The following CDH18 variants were observed in gnomAD, a reference collection of about 807,000 sequenced individuals.
CDH18 encodes the protein cadherin-18.
A neutral mutation model predicts 67.9 loss-of-function variants in CDH18; 31 were observed. The observed-to-expected ratio is 0.46, with a 90% CI of 0.34 to 0.62. CDH18 has a LOEUF of 0.62. Ranked by LOEUF, CDH18 falls within the 20% of genes least tolerant of loss-of-function variation. CDH18 has a pLI of 0.01. For synonymous variants in CDH18, 362 were observed against 347.2 expected (o/e 1.04, Z -0.48); for missense variants, 890 against 975.5 (o/e 0.91, Z 1.17).
At chr5:19,478,782 G>C (rs1561148128) in intron 12 of CDH18, 1 of 152,096 alleles carries the variant, frequency 6.6e-6, no homozygotes, top group African/African-American at 2.4e-5. Flanking sequence ...CAAGAGATGG[G>C]GTAAAGTTGG....
chr5:19,877,193 T>G (rs568837826), intron 2 of CDH18, among the ~76,000 whole-genome samples: 128 of 152,212 alleles, frequency 8.4e-4, no homozygotes, highest in African/African-American at 3.0e-3. Flanking sequence ...TAAGATTTCA[T>G]TTTGGCTAAA....
intron 6 of CDH18, among the ~76,000 whole-genome samples, chr5:19,611,098 T>C (rs1255423750): frequency 6.6e-6 from 1 of 152,180 alleles, no homozygotes; most frequent in East Asian, 1.9e-4. Context: ...GGGCCCTCAC[T>C]GGGCTGAACA....
At chr5:20,473,210 A>G (rs2150243042) in intron 1 of CDH18, among the ~76,000 whole-genome samples, 1 of 152,298 alleles carries the variant, frequency 6.6e-6, no homozygotes, top group East Asian at 1.9e-4. Context: ...CTTAATGAAG[A>G]TATTTGTTAA....
chr5:19,481,079 A>T (rs745777543), intron 12 of CDH18, among the ~76,000 whole-genome samples: 2 of 152,104 alleles, frequency 1.3e-5, no homozygotes, highest in Admixed American at 6.5e-5. Flanking sequence ...ATGCTCCTTG[A>T]TACCCTCTTT....
intron 2 of CDH18, among the ~76,000 whole-genome samples, chr5:19,908,845 T>C (rs563867735): frequency 3.3e-5 from 5 of 152,226 alleles, no homozygotes. Context: ...AAACTGCAGG[T>C]TTCCCTAAAT....
At chr5:20,187,818 A>T (rs921894851) in intron 2 of CDH18, among the ~76,000 whole-genome samples, 8 of 151,838 alleles carry the variant, frequency 5.3e-5, no homozygotes, top group Non-Finnish European at 7.4e-5. Context: ...GTATCTGCAC[A>T]TATTAGGGTA....
chr5:19,660,162 A>G (rs1312179053), intron 5 of CDH18, among the ~76,000 whole-genome samples: 2 of 152,128 alleles, frequency 1.3e-5, no homozygotes, highest in Non-Finnish European at 2.9e-5. Context: ...AATGCAACTA[A>G]AATAATTTTT....
intron 2 of CDH18, among the ~76,000 whole-genome samples, chr5:19,945,738 T>C (rs1241253440): frequency 6.6e-6 from 1 of 152,130 alleles, no homozygotes; most frequent in East Asian, 1.9e-4. Flanking sequence ...CAAACCATGC[T>C]GGATGTCCTT....
At chr5:19,703,515 C>T (rs575687650) in intron 5 of CDH18, among the ~76,000 whole-genome samples, 1 of 152,110 alleles carries the variant, frequency 6.6e-6, no homozygotes, top group African/African-American at 2.4e-5. Flanking sequence ...TCTGCACCCC[C>T]TCATTATTTT....
At chr5:20,274,470 G>C (rs1745659047) in intron 1 of CDH18, among the ~76,000 whole-genome samples, 1 of 152,006 alleles carries the variant, frequency 6.6e-6, no homozygotes, top group Non-Finnish European at 1.5e-5. Flanking sequence ...TGTTTTCCTG[G>C]ATCAGAAAGA....
intron 2 of CDH18, among the ~76,000 whole-genome samples, chr5:20,092,484 T>C (rs1298429279): frequency 6.6e-6 from 1 of 152,180 alleles, no homozygotes; most frequent in East Asian, 1.9e-4. Flanking sequence ...TAGTCTACTA[T>C]TAAAAAAATT....
chr5:19,619,389 A>G (rs1265629297), intron 5 of CDH18, among the ~76,000 whole-genome samples: 2 of 152,206 alleles, frequency 1.3e-5, no homozygotes, highest in East Asian at 1.9e-4. Flanking sequence ...TTCAGAGACC[A>G]TAGTGATCAC....
chr5:19,964,610 T>G (rs7701132), intron 2 of CDH18, among the ~76,000 whole-genome samples: 17,851 of 142,828 alleles, frequency 0.12, 3,174 homozygotes, highest in African/African-American at 0.4. Context: ...ATTGTGCCAC[T>G]GCACTCCAGC....
intron 3 of CDH18, among the ~76,000 whole-genome samples, chr5:19,831,942 T>C (rs1781081264): frequency 6.6e-6 from 1 of 152,008 alleles, no homozygotes; most frequent in South Asian, 2.1e-4. Flanking sequence ...AAGAACAAAA[T>C]CATGTCCTTT....
At chr5:20,353,385 G>A (rs1741363176) in intron 1 of CDH18, among the ~76,000 whole-genome samples, 1 of 152,116 alleles carries the variant, frequency 6.6e-6, no homozygotes, top group South Asian at 2.1e-4. Context: ...AAGATGTTAT[G>A]CACCACTTCC....
At chr5:20,145,829 G>A (rs1750600848) in intron 2 of CDH18, among the ~76,000 whole-genome samples, 1 of 152,092 alleles carries the variant, frequency 6.6e-6, no homozygotes. Context: ...ACCATCTGGA[G>A]TGAACTTTTA....
chr5:19,909,188 T>A (rs928542006), intron 2 of CDH18, among the ~76,000 whole-genome samples: 1 of 152,074 alleles, frequency 6.6e-6, no homozygotes, highest in African/African-American at 2.4e-5. Flanking sequence ...TCCCAATTAG[T>A]CAGCAACTCC....
At chr5:19,493,831 G>A (rs1352358067) in intron 11 of CDH18, among the ~76,000 whole-genome samples, 1 of 152,022 alleles carries the variant, frequency 6.6e-6, no homozygotes, top group Non-Finnish European at 1.5e-5. Flanking sequence ...GGCAATAATA[G>A]CTCCAACAGT....
intron 7 of CDH18, among the ~76,000 whole-genome samples, chr5:19,589,216 A>G (rs980855326): frequency 6.6e-6 from 1 of 152,076 alleles, no homozygotes; most frequent in Admixed American, 6.6e-5. Flanking sequence ...AATCCAATCA[A>G]TGTTTATAAT....
Sources: allele counts gnomAD v4.1 joint callset (sites outside exome capture counted in the v4.1 genomes callset), GRCh38; gene constraint gnomAD v4.1.1; transcripts MANE v1.5; gene names NCBI Gene and HGNC (gene_info 2026-07-23, HGNC 2026-07-21).